Variants in CLCN7 observed in about 807,000 individuals in gnomAD.
The protein encoded by CLCN7 is Cl-/H+ antiporter 7.
In CLCN7, 60 loss-of-function variants were observed where a neutral mutation model predicts 102.1. The ratio of observed to expected loss-of-function variants is 0.59; its 90% CI spans 0.48 to 0.73. CLCN7 has a LOEUF of 0.73. Ranked by LOEUF, CLCN7 falls within the 30% of genes least tolerant of loss-of-function variation. The pLI, the probability that CLCN7 is intolerant of heterozygous loss-of-function variation, is 0.00. For synonymous variants in CLCN7, 560 were observed against 490.5 expected (o/e 1.14, Z -1.87); for missense variants, 962 against 1,125.7 (o/e 0.85, Z 2.08).
chr16:1,465,638 G>A (rs2038994957), intron 1 of CLCN7, among the ~76,000 whole-genome samples: 1 of 152,230 alleles, frequency 6.6e-6, no homozygotes, highest in African/African-American at 2.4e-5. Context: ...CAGGAAAGAA[G>A]GGCTGGACAA....
intron 11 of CLCN7, 131 bp from the exon 12 acceptor site, chr16:1,455,381 AG>A: frequency 2.6e-6 from 2 of 773,206 alleles, no homozygotes; most frequent in Non-Finnish European, 4.7e-6. Flanking sequence ...CCAAGGCAGA[AG>A]GGAAGGGGCT....
chr16:1,463,250 A>G (rs1485914910), intron 2 of CLCN7, among the ~76,000 whole-genome samples: 1 of 152,230 alleles, frequency 6.6e-6, no homozygotes, highest in African/African-American at 2.4e-5. Flanking sequence ...AAAACGGGTC[A>G]GTCGTCATAC....
rs371671372 is a variant in CLCN7, at chr16:1,457,642, C to T, written c.738+52G>A. The T allele has an allele frequency of 5.1e-5, 81 of 1,583,836 alleles. 1 individual carries two copies. The highest frequency in any genetic ancestry group is 1.8e-4 in the Admixed American group (11 of 59,882). ...ACACACATGGGCGTGGCGGCCCTCG[C>T]GGGCCCGGCGGCCTCAGGCTCCAGC... On this transcript the variant is annotated intron_variant, in intron 8 of 24. Coordinates refer to ENST00000382745, the MANE Select transcript of CLCN7 (RefSeq NM_001287.6). This position sits in a 1 kb window ranked among gnomAD's most constrained non-coding sequence, Gnocchi z 5.4.
intron 16 of CLCN7, 36 bp downstream of exon 16, chr16:1,451,587 T>G: frequency 6.4e-7 from 1 of 1,565,262 alleles, no homozygotes; most frequent in Non-Finnish European, 8.8e-7. Flanking sequence ...CAGGCCCTGA[T>G]CCCAGGGCCT....
Position 1,461,420 on chromosome 16 carries a change from C to T in CLCN7, c.336G>A (p.Arg112=), listed in dbSNP as rs368335863. The T allele has an allele frequency of 6.4e-7, 1 of 1,551,598 alleles. No individual in the cohort carries two copies. Among genetic ancestry groups the T allele is most frequent in the Non-Finnish European group, 8.7e-7 (1 of 1,148,116 alleles). Residue 112 remains arginine, a synonymous_variant, in exon 4 of 25, where the codon CGG becomes CGA. Transcript: ENST00000382745. Reference sequence around the variant, plus strand: ...TCCAGCTCACCGTGTGATTGATCCGCCGCTCCTCCTCCAGGAACAGCTGGT... The same window carrying T: ...TCCAGCTCACCGTGTGATTGATCCGTCGCTCCTCCTCCAGGAACAGCTGGT... ...SENQLFLEEE[R]RINHTAFRTV... is the part of the protein sequence containing the mutation.
At chr16:1,467,999 C>T (rs148901150) in intron 1 of CLCN7, among the ~76,000 whole-genome samples, 5,001 of 152,278 alleles carry the variant, frequency 0.033, 128 homozygotes, top group Middle Eastern at 0.061. Flanking sequence ...AAGAGGATCG[C>T]TTGAGCCTGG....
At chr16:1,463,113 AGT>A (rs1299779277) in intron 2 of CLCN7, among the ~76,000 whole-genome samples, 5 of 152,334 alleles carry the variant, frequency 3.3e-5, no homozygotes, top group Non-Finnish European at 7.4e-5. Context: ...CCTGGGTGAC[AGT>A]GAGACCCTGT....
chr16:1,461,313 C>T (rs1001820818), intron 4 of CLCN7, 92 bp downstream of exon 4: 12 of 1,107,188 alleles, frequency 1.1e-5, no homozygotes, highest in Admixed American at 2.0e-5. Context: ...GGAGGAGGTG[C>T]GTCACCTCAC....
intron 12 of CLCN7, among the ~76,000 whole-genome samples, chr16:1,454,703 C>T (rs531187290): frequency 1.2e-4 from 18 of 152,342 alleles, no homozygotes; most frequent in African/African-American, 2.2e-4. Context: ...CCTCAGCACC[C>T]GGGGCGGGGA....
chr16:1,446,076 T>C lies in CLCN7; in HGVS notation c.*555A>G. On this transcript the variant is annotated 3_prime_UTR_variant, in exon 25 of 25. Coordinates refer to ENST00000382745, the MANE Select transcript of CLCN7 (RefSeq NM_001287.6). ...CTGTGGCGCCAGTGTGAAGCTGCTC[T>C]CCGGGGCGGTCGCAGCCTCCAAACC... 1 of 589,854 alleles carries C rather than the reference T, an allele frequency of 1.7e-6. No homozygotes were observed. Among genetic ancestry groups the C allele is most frequent in the Non-Finnish European group, 3.0e-6 (1 of 332,640 alleles). 36.5% of individuals were successfully genotyped at this position (589,854 alleles called of 1,614,324 possible). A position where few individuals can be genotyped will look rare whatever the true frequency, so the allele number is the denominator to read the frequency against.
intron 1 of CLCN7, among the ~76,000 whole-genome samples, chr16:1,470,607 A>G (rs1187596667): frequency 6.6e-6 from 1 of 152,198 alleles, no homozygotes; most frequent in East Asian, 1.9e-4. Context: ...CTGAACAGCA[A>G]TGCTGGAGGG....
chr16:1,454,856 G>A (rs557100486), intron 12 of CLCN7, among the ~76,000 whole-genome samples: 11 of 152,278 alleles, frequency 7.2e-5, no homozygotes, highest in Middle Eastern at 3.4e-3. Context: ...CCCCGAGAGC[G>A]GCTGCTGCAC....
intron 1 of CLCN7, 31 bp downstream of exon 1, chr16:1,474,803 G>A (rs1422065829): frequency 1.5e-6 from 2 of 1,297,610 alleles, no homozygotes; most frequent in African/African-American, 1.6e-5. Flanking sequence ...CGAGGGCTCA[G>A]TTTCCCCGCC....
At chr16:1,460,373 A>G in intron 6 of CLCN7, 45 bp downstream of exon 6, 1 of 1,419,386 alleles carries the variant, frequency 7.0e-7, no homozygotes, top group Non-Finnish European at 1.0e-6. Flanking sequence ...CAAGACCCCC[A>G]ATCCTTCATG....
intron 2 of CLCN7, among the ~76,000 whole-genome samples, chr16:1,464,163 A>G (rs1235737084): frequency 6.6e-6 from 1 of 152,204 alleles, no homozygotes; most frequent in Non-Finnish European, 1.5e-5. Flanking sequence ...TCTATAAATC[A>G]TGTATTGGAT....
At chr16:1,451,963 T>A in intron 15 of CLCN7, 1 of 504,834 alleles carries the variant, frequency 2.0e-6, no homozygotes, top group Non-Finnish European at 3.7e-6. Flanking sequence ...GGGCCGTGTC[T>A]AGCCCTGGGG....
chr16:1,472,045 G>A (rs1456918408), intron 1 of CLCN7: 1 of 152,312 alleles, frequency 6.6e-6, no homozygotes, highest in African/African-American at 2.4e-5. Flanking sequence ...TGCCCCAGGG[G>A]CCCTGCAGAC....
chr16:1,451,587 TCCCAGGGCCTG>T, intron 16 of CLCN7, 25 bp downstream of exon 16: 1 of 1,565,262 alleles, frequency 6.4e-7, no homozygotes. Context: ...CAGGCCCTGA[TCCCAGGGCCTG>T]CCCAGCGGCA....
chr16:1,469,825 T>C (rs1326514972), intron 1 of CLCN7, among the ~76,000 whole-genome samples: 3 of 152,218 alleles, frequency 2.0e-5, no homozygotes, highest in Admixed American at 6.5e-5. Flanking sequence ...GCTGTGCCGA[T>C]GGATGAGTGA....
Sources: allele counts gnomAD v4.1 joint callset (sites outside exome capture counted in the v4.1 genomes callset), GRCh38; gene constraint gnomAD v4.1.1; non-coding constraint Gnocchi (gnomAD v3.1); transcripts MANE v1.5; gene names NCBI Gene and HGNC (gene_info 2026-07-23, HGNC 2026-07-21).